PLXNA4: variants seen among roughly 807,000 people sequenced by gnomAD.
PLXNA4 encodes the protein plexin A4.
A neutral mutation model predicts 191.8 loss-of-function variants in PLXNA4; 44 were observed. The ratio of observed to expected loss-of-function variants is 0.23; its 90% CI spans 0.18 to 0.29. The LOEUF (loss-of-function observed/expected upper bound fraction) is 0.29. Among genes scored for constraint, PLXNA4 ranks in the 10% least tolerant of loss-of-function variants. The pLI, the probability that PLXNA4 is intolerant of heterozygous loss-of-function variation, is 1.00. For missense variants in PLXNA4, 1,800 were observed against 2,488.8 expected (o/e 0.72, Z 5.89); for synonymous variants, 1,082 against 1,009.5 (o/e 1.07, Z -1.36).
chr7:132,435,735 G>T (rs1174566526), intron 3 of PLXNA4, among the ~76,000 whole-genome samples: 1 of 152,180 alleles, frequency 6.6e-6, no homozygotes, highest in Non-Finnish European at 1.5e-5. Context: ...TAGCCAGCGT[G>T]AGTGTGACCA....
At chr7:132,288,739 T>C (rs1017113998) in intron 4 of PLXNA4, among the ~76,000 whole-genome samples, 1 of 152,156 alleles carries the variant, frequency 6.6e-6, no homozygotes, top group African/African-American at 2.4e-5. Context: ...CCAGTGCACC[T>C]TACATGAGAC....
chr7:132,154,773 A>C (rs1367459678), intron 25 of PLXNA4, among the ~76,000 whole-genome samples: 5 of 152,192 alleles, frequency 3.3e-5, no homozygotes, highest in Admixed American at 1.3e-4. Flanking sequence ...TATGCATGGC[A>C]CCAAGAGAAA....
At chr7:132,437,630 T>C (rs1056980997) in intron 3 of PLXNA4, among the ~76,000 whole-genome samples, 8 of 151,128 alleles carry the variant, frequency 5.3e-5, no homozygotes, top group Admixed American at 1.3e-4. Flanking sequence ...AAGAGATCCT[T>C]AGCTTGTTGC....
intron 1 of PLXNA4, among the ~76,000 whole-genome samples, chr7:132,575,861 C>T (rs13229902): frequency 6.6e-6 from 1 of 152,178 alleles, no homozygotes; most frequent in African/African-American, 2.4e-5. Context: ...AGAACTGCAG[C>T]CCCAACCGCC....
At chr7:132,198,720 C>T in intron 12 of PLXNA4, 84 bp from the exon 13 acceptor site, 1 of 1,550,866 alleles carries the variant, frequency 6.4e-7, no homozygotes, top group East Asian at 2.2e-5. Context: ...GCTGCTGGCT[C>T]TTGTCTCATC....
chr7:132,558,479 C>T (rs1313496991), intron 1 of PLXNA4, among the ~76,000 whole-genome samples: 1 of 152,116 alleles, frequency 6.6e-6, no homozygotes, highest in African/African-American at 2.4e-5. Context: ...ATAATGATTG[C>T]CAGAAATATA....
At chr7:132,428,208 G>C (rs1382171918) in intron 3 of PLXNA4, among the ~76,000 whole-genome samples, 1 of 152,072 alleles carries the variant, frequency 6.6e-6, no homozygotes, top group African/African-American at 2.4e-5. Context: ...TCCCAGGAGG[G>C]TCCCTTTCCT....
intron 24 of PLXNA4, among the ~76,000 whole-genome samples, chr7:132,162,131 G>A (rs748892042): frequency 2.0e-5 from 3 of 152,182 alleles, no homozygotes; most frequent in South Asian, 2.1e-4. Flanking sequence ...TCCAGCCACC[G>A]CCGAGTTCCA....
At chr7:132,603,031 G>T (rs1439766602) in intron 2 of PLXNA4, among the ~76,000 whole-genome samples, 6 of 152,096 alleles carry the variant, frequency 3.9e-5, no homozygotes, top group Non-Finnish European at 7.4e-5. Flanking sequence ...AAAAATGAAA[G>T]AAATACCAAA....
At chr7:132,354,184 T>C (rs949081119) in intron 3 of PLXNA4, among the ~76,000 whole-genome samples, 1 of 150,808 alleles carries the variant, frequency 6.6e-6, no homozygotes, top group African/African-American at 2.5e-5. Context: ...CAACAGTGTG[T>C]GCGTGTGTGT....
rs778720321 is a variant in PLXNA4, at chr7:132,269,664, CT to C, written c.1503+28426del. 4.8e-3 allele frequency among the ~76,000 whole-genome samples: 714 copies of C among 148,264 alleles called. 3 individuals carry two copies. The highest frequency in any genetic ancestry group is 6.6e-3 in the Non-Finnish European group (442 of 66,712). The stretch of plus-strand genomic sequence containing the variant: ...AATTTTTTTTCTGCCAAAAAAAGAT[CT>C]TTTTTTTTTTCTGCCAACTGTTGCC... On this transcript the variant is annotated intron_variant, in intron 4 of 31. Transcript: ENST00000321063.
chr7:132,143,693 C>A (rs1021154068), intron 29 of PLXNA4, among the ~76,000 whole-genome samples: 2 of 152,194 alleles, frequency 1.3e-5, no homozygotes, highest in African/African-American at 4.8e-5. Flanking sequence ...AAGAGTTAAA[C>A]GCATCTTACC....
At position 132,426,279 on chromosome 7, in the gene PLXNA4, G is replaced by A. The variant is rs947691480; in HGVS notation, c.1371+63013C>T. On this transcript the variant is annotated intron_variant, in intron 3 of 31. Coordinates refer to ENST00000321063, the MANE Select transcript of PLXNA4 (RefSeq NM_020911.2). ...GCCCCCGGTGATGACCCAGTAGAGCGGCTAAGGTGATGGGGGTGGGGGTCC... is the reference window on the plus strand; with the variant it reads ...GCCCCCGGTGATGACCCAGTAGAGCAGCTAAGGTGATGGGGGTGGGGGTCC... 5.3e-5 allele frequency among the ~76,000 whole-genome samples: 8 copies of A among 152,216 alleles called. No individual in the cohort carries two copies. The South Asian group carries it at 6.2e-4, about 12-fold the overall frequency.
rs73496825 is a variant in PLXNA4, at chr7:132,265,995, A to G, written c.1504-24829T>C. ...GAAAAGAGGAGCTCTAAAATGGCTC[A>G]GAATCAAGAAGAAGTTGACTCAGTA... On this transcript the variant is annotated intron_variant, in intron 4 of 31. Transcript: ENST00000321063. 5.2e-3 allele frequency among the ~76,000 whole-genome samples: 798 copies of G among 152,358 alleles called. 6 individuals carry two copies. Among genetic ancestry groups the G allele is most frequent in the African/African-American group, 0.018 (764 of 41,588 alleles).
At chr7:132,164,106 G>A in intron 24 of PLXNA4, 36 bp downstream of exon 24, 2 of 1,611,962 alleles carry the variant, frequency 1.2e-6, no homozygotes, top group Non-Finnish European at 1.7e-6. Flanking sequence ...AAGCCCGCCT[G>A]TCAAAGCCCC....
At chr7:132,383,612 T>G (rs1027934660) in intron 3 of PLXNA4, 11 of 984,362 alleles carry the variant, frequency 1.1e-5, no homozygotes, top group Non-Finnish European at 1.3e-5. Flanking sequence ...CTTTATAAAC[T>G]AAGTTTTCAA....
intron 2 of PLXNA4, among the ~76,000 whole-genome samples, chr7:132,618,068 C>T (rs1009874731): frequency 6.6e-5 from 10 of 152,208 alleles, no homozygotes; most frequent in Non-Finnish European, 8.8e-5. Context: ...TTGCCCACAT[C>T]ATTCCTGCTC....
chr7:132,552,131 CCTTT>C (rs1007628561), intron 1 of PLXNA4, among the ~76,000 whole-genome samples: 5 of 152,120 alleles, frequency 3.3e-5, no homozygotes, highest in Admixed American at 3.3e-4. Flanking sequence ...CCGCCTCCTT[CCTTT>C]GACAGGAAAG....
chr7:132,539,536 C>T (rs73158888), intron 1 of PLXNA4, among the ~76,000 whole-genome samples: 15,520 of 152,228 alleles, frequency 0.1, 1,057 homozygotes, highest in Non-Finnish European at 0.14. Context: ...CTCTGAAGCA[C>T]ACTGAAGTTT....
Sources: gnomAD v4.1 joint callset for allele counts (sites outside exome capture counted in the v4.1 genomes callset) on GRCh38, gnomAD v4.1.1 for gene constraint, MANE v1.5 for transcripts, NCBI Gene and HGNC (gene_info 2026-07-23, HGNC 2026-07-21) for gene names.